FBLN2: variants seen among roughly 807,000 people sequenced by gnomAD.
The protein encoded by FBLN2 is fibulin-2.
In FBLN2, 81 loss-of-function variants were observed where a neutral mutation model predicts 123.7. That is an observed-to-expected ratio of 0.65 (90% CI 0.55 to 0.79). FBLN2 has a LOEUF of 0.79. FBLN2 is among the 30% of genes least tolerant of loss of function. FBLN2 has a pLI of 0.00. For missense variants in FBLN2, 1,603 were observed against 1,681.3 expected (o/e 0.95, Z 0.81); for synonymous variants, 699 against 701.4 (o/e 1.00, Z 0.05).
intron 9 of FBLN2, among the ~76,000 whole-genome samples, chr3:13,622,264 C>G (rs1284462113): frequency 6.6e-6 from 1 of 152,172 alleles, no homozygotes; most frequent in Non-Finnish European, 1.5e-5. Context: ...GAGGCCTAGC[C>G]AAGCAGGACC....
intron 2 of FBLN2, among the ~76,000 whole-genome samples, chr3:13,573,824 T>C (rs1704043178): frequency 7.3e-6 from 1 of 137,022 alleles, no homozygotes; most frequent in African/African-American, 2.9e-5. Context: ...AATCACCACC[T>C]GGGAGGCAGA....
chr3:13,552,522 G>A (rs1317440375), intron 1 of FBLN2, among the ~76,000 whole-genome samples: 1 of 152,196 alleles, frequency 6.6e-6, no homozygotes, highest in Admixed American at 6.5e-5. Context: ...GCTGCAGGCA[G>A]CTCTGCCTCC....
chr3:13,626,626 A>G lies in FBLN2; in HGVS notation c.2431+47A>G, dbSNP rs1009505483. 5 of 1,497,912 alleles carry G rather than the reference A, an allele frequency of 3.3e-6. No homozygotes were observed. The African/African-American group carries it at 6.9e-5, about 21-fold the overall frequency. 92.8% of individuals were successfully genotyped at this position (1,497,912 alleles called of 1,614,324 possible). On this transcript the variant is annotated intron_variant, in intron 10 of 17. Coordinates refer to ENST00000404922, the MANE Select transcript of FBLN2 (RefSeq NM_001004019.2). ...CAACTGGAGGCCCCGCCCCATGGCCAGTTTTGCCCCGCCCCTCCCTGGTCC... is the reference window on the plus strand; with the variant it reads ...CAACTGGAGGCCCCGCCCCATGGCCGGTTTTGCCCCGCCCCTCCCTGGTCC...
chr3:13,637,647 A>G lies in FBLN2; in HGVS notation c.3424A>G (p.Thr1142Ala). ...RITHYQLNFQ[T>A]GLLVPAHIFR... ...CACGCACTACCAGCTCAACTTCCAG[A>G]CGGGCCTCCTGGTGCCTGCGCATAT... is the stretch of plus-strand genomic sequence containing the variant. The change falls in exon 18 of 18, where the codon ACG becomes GCG. Residue 1142 changes from threonine (T) to alanine (A), a missense_variant. Physicochemically the swap from Thr to Ala is moderately conservative, Grantham distance 58 (BLOSUM62 0). Coordinates refer to ENST00000404922, the MANE Select transcript of FBLN2 (RefSeq NM_001004019.2). The G allele has an allele frequency of 1.9e-6, 3 of 1,613,956 alleles. No homozygotes were observed. The highest frequency in any genetic ancestry group is 2.5e-6 in the Non-Finnish European group (3 of 1,179,872).
chr3:13,594,201 TAAACCCACCCTC>T (rs2124860344), intron 2 of FBLN2, among the ~76,000 whole-genome samples: 1 of 152,276 alleles, frequency 6.6e-6, no homozygotes, highest in African/African-American at 2.4e-5. Context: ...AGGGTGCGGT[TAAACCCACCCTC>T]CTTGACGTTT....
intron 1 of FBLN2, among the ~76,000 whole-genome samples, chr3:13,559,174 G>A (rs1349684579): frequency 6.6e-6 from 1 of 152,138 alleles, no homozygotes; most frequent in Non-Finnish European, 1.5e-5. Flanking sequence ...TCACATAGCA[G>A]TTTTAGGTAT....
At chr3:13,604,136 C>T (rs1289034660) in intron 2 of FBLN2, among the ~76,000 whole-genome samples, 1 of 152,276 alleles carries the variant, frequency 6.6e-6, no homozygotes, top group East Asian at 1.9e-4. Context: ...GATATTAGCC[C>T]TTTGTCAGAT....
chr3:13,595,102 C>T (rs1704798450), intron 2 of FBLN2, among the ~76,000 whole-genome samples: 1 of 152,154 alleles, frequency 6.6e-6, no homozygotes. Flanking sequence ...GACGTTCCTT[C>T]TAGAGCCAGA....
chr3:13,554,921 T>C (rs1454737419), intron 1 of FBLN2, among the ~76,000 whole-genome samples: 3 of 150,832 alleles, frequency 2.0e-5, no homozygotes, highest in Non-Finnish European at 4.4e-5. Context: ...TTTTAAAAAA[T>C]CCCTTCCCTG....
chr3:13,608,661 C>G (rs1033795592), intron 3 of FBLN2, among the ~76,000 whole-genome samples: 1 of 152,212 alleles, frequency 6.6e-6, no homozygotes. Flanking sequence ...GCAAAGCAAT[C>G]CTTTATCCCC....
At chr3:13,610,375 A>G (rs553925622) in intron 4 of FBLN2, among the ~76,000 whole-genome samples, 1 of 152,194 alleles carries the variant, frequency 6.6e-6, no homozygotes, top group South Asian at 2.1e-4. Flanking sequence ...GGGACCGGTT[A>G]TTGAGGGTGT....
At position 13,630,058 on chromosome 3, in the gene FBLN2, C is replaced by T. The variant is rs556509660; in HGVS notation, c.2968+113C>T. The T allele has an allele frequency of 1.3e-5, 19 of 1,428,896 alleles. No homozygotes were observed. The African/African-American group carries it at 2.1e-4, about 16-fold the overall frequency. 88.5% of individuals were successfully genotyped at this position (1,428,896 alleles called of 1,614,324 possible). On this transcript the variant is annotated intron_variant, in intron 14 of 17. Transcript: ENST00000404922. Reference sequence around the variant, plus strand: ...CTTCACCCTTACACCTTCACCCTCACACCTTCACCCATGCTGGCCCTTCCT... The same window carrying T: ...CTTCACCCTTACACCTTCACCCTCATACCTTCACCCATGCTGGCCCTTCCT...
At chr3:13,604,948 GTGC>G (rs1372864115) in intron 2 of FBLN2, among the ~76,000 whole-genome samples, 1 of 152,248 alleles carries the variant, frequency 6.6e-6, no homozygotes, top group Non-Finnish European at 1.5e-5. Context: ...CCTCAGCCCT[GTGC>G]CCTTACGTGA....
At position 13,618,133 on chromosome 3, in the gene FBLN2, TG is replaced by T; in HGVS notation, c.1788del (p.Pro597ArgfsTer65). The T allele has an allele frequency of 6.2e-7, 1 of 1,613,560 alleles. No homozygotes were observed. The highest frequency in any genetic ancestry group is 8.5e-7 in the Non-Finnish European group (1 of 1,179,906). ...CTGTCACTGGGCACAGAGGCCGAGC[TG>T]CCGAACAGCCTGCCGGGCGATGACC... ...EALSLGTEAE[L>X]PNSLPGDDQD... On this transcript the variant is annotated frameshift_variant, in exon 6 of 18. Transcript: ENST00000404922. LOFTEE classifies it high-confidence loss of function.
chr3:13,573,371 C>A (rs1394938529), intron 2 of FBLN2, among the ~76,000 whole-genome samples: 1 of 152,066 alleles, frequency 6.6e-6, no homozygotes, highest in African/African-American at 2.4e-5. Context: ...GCTCAAGACT[C>A]CCTGCAGGGA....
intron 16 of FBLN2, among the ~76,000 whole-genome samples, chr3:13,634,509 C>T (rs1477618641): frequency 6.6e-6 from 1 of 152,260 alleles, no homozygotes. Context: ...TCCTGCCCCA[C>T]CCACATAAGC....
At chr3:13,622,276 C>T (rs77392549) in intron 9 of FBLN2, among the ~76,000 whole-genome samples, 2,814 of 152,248 alleles carry the variant, frequency 0.018, 89 homozygotes, top group African/African-American at 0.064. Flanking sequence ...AGCAGGACCC[C>T]CAGAAGCTCC....
chr3:13,571,795 G>C (rs1466869459), intron 2 of FBLN2, 134 bp downstream of exon 2: 1 of 1,033,016 alleles, frequency 9.7e-7, no homozygotes, highest in Non-Finnish European at 1.4e-6. Context: ...GGCCACCCCA[G>C]GCCCTTGGTT....
Position 13,636,538 on chromosome 3 carries a change from G to A in FBLN2, c.3308G>A (p.Cys1103Tyr). The change falls in exon 17 of 18, where the codon TGT (cysteine) becomes TAT (tyrosine). Residue 1103 changes from cysteine (C) to tyrosine (Y), a missense_variant. By Grantham distance (194) the Cys-to-Tyr change is radical (BLOSUM62 -2). Coordinates refer to ENST00000404922, the MANE Select transcript of FBLN2 (RefSeq NM_001004019.2). ...QGSFRCLRFECPPNYVQVSKT... is the reference protein window; with the variant it reads ...QGSFRCLRFEYPPNYVQVSKT... Reference sequence around the variant, plus strand: ...AGCTTCCGCTGCCTGCGCTTCGAGTGTCCTCCCAACTATGTCCAAGTCTCC... The same window carrying A: ...AGCTTCCGCTGCCTGCGCTTCGAGTATCCTCCCAACTATGTCCAAGTCTCC... 1 of 1,613,628 alleles carries A rather than the reference G, an allele frequency of 6.2e-7. No individual in the cohort carries two copies. Among genetic ancestry groups the A allele is most frequent in the Non-Finnish European group, 8.5e-7 (1 of 1,179,764 alleles).
Sources: gnomAD v4.1 joint callset for allele counts (sites outside exome capture counted in the v4.1 genomes callset) on GRCh38, gnomAD v4.1.1 for gene constraint, MANE v1.5 for transcripts, NCBI Gene and HGNC (gene_info 2026-07-23, HGNC 2026-07-21) for gene names.